SEC31A: variants seen among roughly 807,000 people sequenced by gnomAD.
SEC31A encodes protein transport protein Sec31A.
Under a neutral mutation model 151.0 loss-of-function variants are expected in SEC31A, and 70 were observed. That is an observed-to-expected ratio of 0.46 (90% confidence interval 0.38 to 0.57). SEC31A has a LOEUF of 0.57. Among genes scored for constraint, SEC31A ranks in the 20% least tolerant of loss-of-function variants. SEC31A has a pLI of 0.00. For missense variants in SEC31A, 1,330 were observed against 1,471.2 expected, an observed-to-expected ratio of 0.90 and a Z score of 1.57; for synonymous variants, 475 against 505.9, an observed-to-expected ratio of 0.94 and a Z score of 0.82.
chr4:82,849,037 G>T, intron 19 of SEC31A, 60 bp from the exon 20 acceptor site: 1 of 1,434,110 alleles, frequency 7.0e-7, no homozygotes, highest in Non-Finnish European at 9.6e-7. Flanking sequence ...ATGACAGCAT[G>T]TTAATTTTCT....
Position 82,819,010 on chromosome 4 carries a change from ATTTT to A in SEC31A, c.*60_*63del. Reference sequence around the variant, plus strand: ...AATGAGGACTAGTCCATGTCTTATAATTTTTTTTTTTAACATGTTTCTTTGGAAA... The same window carrying A: ...AATGAGGACTAGTCCATGTCTTATAATTTTTTTAACATGTTTCTTTGGAAA... On this transcript the variant is annotated 3_prime_UTR_variant, in exon 27 of 27. Transcript: ENST00000395310. The A allele has an allele frequency of 8.5e-7, 1 of 1,170,268 alleles. No individual in the cohort carries two copies. Among genetic ancestry groups the A allele is most frequent in the Non-Finnish European group, 1.2e-6 (1 of 856,072 alleles). 72.5% of individuals were successfully genotyped at this position (1,170,268 alleles called of 1,614,324 possible). A position where few individuals can be genotyped will look rare whatever the true frequency, so the allele number is the denominator to read the frequency against.
At chr4:82,858,907 T>C (rs553616589) in intron 14 of SEC31A, among the ~76,000 whole-genome samples, 109 of 152,080 alleles carry the variant, frequency 7.2e-4, no homozygotes, top group Non-Finnish European at 1.4e-3. Flanking sequence ...TTCACTGTGT[T>C]AGCCAGGATG....
Position 82,853,679 on chromosome 4 carries a change from C to T in SEC31A, c.2045G>A (p.Ser682Asn), listed in dbSNP as rs748993011. 7.5e-6 allele frequency: 12 copies of T among 1,599,462 alleles called. No homozygotes were observed. In the African/African-American group the frequency reaches 1.5e-4, roughly 20 times the overall value. The change falls in exon 18 of 27, where the codon AGC (serine) becomes AAC (asparagine). Residue 682 changes from serine to asparagine, a missense_variant. By Grantham distance (46) the Ser-to-Asn change is conservative. Transcript: ENST00000395310. The part of the protein sequence containing the change: ...LGTRLENEGD[S>N]LLQTQACLCY... ...GAGACATGCTTGAGTCTGCAGGAGG[C>T]TATCTCCTTCATTTTCAAGCCTGGT...
At chr4:82,850,263 T>C (rs9999544) in intron 19 of SEC31A, among the ~76,000 whole-genome samples, 68,869 of 151,966 alleles carry the variant, frequency 0.45, 18,186 homozygotes, top group Admixed American at 0.6. Flanking sequence ...TATAACTATT[T>C]ACTTATAACT....
upstream of SEC31A, chr4:82,894,345 G>C (rs572862067): frequency 1.6e-4 from 24 of 152,282 alleles, no homozygotes; most frequent in South Asian, 4.1e-4. Context: ...TCAATGAAAG[G>C]CTTCAAGATC....
intron 22 of SEC31A, chr4:82,829,271 T>C (rs1725357979): frequency 6.4e-6 from 3 of 468,534 alleles, no homozygotes; most frequent in African/African-American, 3.8e-5. Context: ...GTAGGTAAGA[T>C]ATCTTGACAC....
At chr4:82,876,206 G>T (rs764800742) in intron 4 of SEC31A, among the ~76,000 whole-genome samples, 5 of 150,864 alleles carry the variant, frequency 3.3e-5, no homozygotes, top group Non-Finnish European at 5.9e-5. Context: ...CGCCTCCCGG[G>T]TCCAAGTGAT....
chr4:82,880,421 C>T (rs1739013314), intron 3 of SEC31A, among the ~76,000 whole-genome samples: 2 of 151,242 alleles, frequency 1.3e-5, no homozygotes, highest in South Asian at 2.1e-4. Context: ...AAAACCCTGT[C>T]GCTACTAAAG....
At chr4:82,873,893 C>A (rs1578341675) in intron 6 of SEC31A, among the ~76,000 whole-genome samples, 1 of 152,008 alleles carries the variant, frequency 6.6e-6, no homozygotes, top group Admixed American at 6.6e-5. Context: ...TTTAGCAGTA[C>A]CTAATCAGAG....
chr4:82,882,636 T>C (rs1739653404), intron 1 of SEC31A, among the ~76,000 whole-genome samples: 1 of 152,022 alleles, frequency 6.6e-6, no homozygotes, highest in East Asian at 1.9e-4. Context: ...ATAAATAAGG[T>C]GCAACTTCCT....
At chr4:82,883,867 A>G (rs1306220551) in intron 1 of SEC31A, among the ~76,000 whole-genome samples, 1 of 151,786 alleles carries the variant, frequency 6.6e-6, no homozygotes, top group Non-Finnish European at 1.5e-5. Flanking sequence ...TTAGCTCTGT[A>G]TAGTAATACT....
At position 82,819,182 on chromosome 4, in the gene SEC31A, T is replaced by C; in HGVS notation, c.3555A>G (p.Gly1185=). The change falls in exon 27 of 27, where the codon GGA becomes GGG. Residue 1185 remains glycine (G), a synonymous_variant. Transcript: ENST00000395310. ...TAACTATGTGGGTATGCATGGTCAA[T>C]CCTTCTGAGTAGTTTCGAGTTTCAA... ...RSIETRNYSE[G]LTMHTHIVST... 1 of 1,612,702 alleles carries C rather than the reference T, an allele frequency of 6.2e-7. No individual in the cohort carries two copies. Among genetic ancestry groups the C allele is most frequent in the Non-Finnish European group, 8.5e-7 (1 of 1,179,322 alleles).
At chr4:82,893,977 G>A (rs1326427129), upstream of SEC31A, 1 of 152,168 alleles carries the variant, frequency 6.6e-6, no homozygotes, top group Non-Finnish European at 1.5e-5. Context: ...CAGGACTGTA[G>A]GGTGGATGCC....
chr4:82,877,557 T>G (rs1490665917), intron 4 of SEC31A: 1 of 152,082 alleles, frequency 6.6e-6, no homozygotes. Context: ...TGTTTGCATT[T>G]TTTGTAATGA....
At chr4:82,875,926 T>C (rs1737810008) in intron 4 of SEC31A, 104 bp from the exon 5 acceptor site, 7 of 523,972 alleles carry the variant, frequency 1.3e-5, no homozygotes, top group Non-Finnish European at 2.3e-5. Flanking sequence ...ATACACAATT[T>C]TTCTATTTAA....
intron 8 of SEC31A, among the ~76,000 whole-genome samples, chr4:82,868,485 A>G (rs1278157166): frequency 6.6e-6 from 1 of 151,508 alleles, no homozygotes; most frequent in South Asian, 2.1e-4. Flanking sequence ...TGGGAGACAC[A>G]GCAAGACCCT....
At position 82,866,771 on chromosome 4, in the gene SEC31A, T is replaced by C. The variant is rs780542210; in HGVS notation, c.1197+37A>G. 2.6e-6 allele frequency: 4 copies of C among 1,565,826 alleles called. No homozygotes were observed. The Admixed American group carries it at 8.2e-5, about 32-fold the overall frequency. ...AATAACACTTTGGTATAAAAAGTCC[T>C]TTGTGCCTATGGACCATAAAAACAA... On this transcript the variant is annotated intron_variant, in intron 10 of 26. Transcript: ENST00000395310.
chr4:82,856,931 C>G, intron 16 of SEC31A, 21 bp downstream of exon 16: 7 of 1,581,176 alleles, frequency 4.4e-6, no homozygotes, highest in Non-Finnish European at 6.0e-6. Context: ...TACGTTATTG[C>G]TTATTTTTAA....
intron 20 of SEC31A, among the ~76,000 whole-genome samples, chr4:82,845,934 T>C (rs1282344583): frequency 6.6e-6 from 1 of 152,170 alleles, no homozygotes; most frequent in African/African-American, 2.4e-5. Flanking sequence ...TCACCTGATT[T>C]CCAGGCCAGT....
Sources: gnomAD v4.1 joint callset for allele counts (sites outside exome capture counted in the v4.1 genomes callset) on GRCh38, gnomAD v4.1.1 for gene constraint, MANE v1.5 for transcripts, NCBI Gene and HGNC (gene_info 2026-07-23, HGNC 2026-07-21) for gene names.